Variants in ANAPC2 observed in about 807,000 individuals in gnomAD.
ANAPC2 encodes the protein anaphase-promoting complex subunit 2.
A neutral mutation model predicts 84.3 loss-of-function variants in ANAPC2; 29 were observed. The observed-to-expected ratio is 0.34, with a 90% CI of 0.26 to 0.47. ANAPC2 has a LOEUF of 0.47. Among genes scored for constraint, ANAPC2 ranks in the 20% least tolerant of loss-of-function variants. The pLI is 1.00. For synonymous variants in ANAPC2, 571 were observed against 479.4 expected (o/e 1.19, Z -2.50); for missense variants, 857 against 1,131.7 (o/e 0.76, Z 3.48).
chr9:137,183,404 G>T, intron 5 of ANAPC2, 162 bp from the exon 6 acceptor site: 1 of 769,666 alleles, frequency 1.3e-6, no homozygotes, highest in Non-Finnish European at 2.1e-6. Flanking sequence ...CTGTTCACAG[G>T]TCCCGCCCTG....
At chr9:137,180,597 A>T in intron 8 of ANAPC2, 70 bp from the exon 9 acceptor site, 1 of 1,600,114 alleles carries the variant, frequency 6.2e-7, no homozygotes, top group Non-Finnish European at 8.6e-7. Flanking sequence ...GTGGCAGGGC[A>T]CGGGGGTGCC....
chr9:137,183,274 A>G (rs756938378), intron 5 of ANAPC2, 32 bp from the exon 6 acceptor site: 2 of 1,572,372 alleles, frequency 1.3e-6, no homozygotes, highest in Non-Finnish European at 1.7e-6. Flanking sequence ...GCAGTCATGC[A>G]GTGCCCGGGA....
At position 137,180,540 on chromosome 9, in the gene ANAPC2, GTGTC is replaced by G. The variant is rs755964405; in HGVS notation, c.1611-17_1611-14del. ...GTTGCGGATCTCCCTGGAAAGACGAGTGTCTGGGCAGGGGGTCGTGATGAGCCCC... is the reference window on the plus strand; with the variant it reads ...GTTGCGGATCTCCCTGGAAAGACGAGTGGGCAGGGGGTCGTGATGAGCCCC... On this transcript the variant is annotated splice_polypyrimidine_tract_variant and intron_variant, in intron 8 of 12. Transcript: ENST00000323927. 67 of 1,612,788 alleles carry G rather than the reference GTGTC, an allele frequency of 4.2e-5. No individual in the cohort carries two copies. In the Middle Eastern group the frequency reaches 1.6e-3, roughly 40 times the overall value.
Position 137,181,738 on chromosome 9 carries a change from C to T in ANAPC2, c.1411G>A (p.Glu471Lys). 6.2e-7 allele frequency: 1 copy of T among 1,612,470 alleles called. No individual in the cohort carries two copies. Residue 471 changes from glutamate (E) to lysine (K), a missense_variant, in exon 7 of 13, where the codon GAG becomes AAG. Physicochemically the swap from Glu to Lys is moderately conservative, Grantham distance 56. This residue lies in a region of ANAPC2 where 425 missense variants were observed against 595.5 expected (regional missense o/e 0.71). Coordinates refer to ENST00000323927, the MANE Select transcript of ANAPC2 (RefSeq NM_013366.4). ...PASLETGQDS[E>K]DDSGEPEDWV... is the part of the protein sequence containing the mutation. Reference sequence around the variant, plus strand: ...TCCTCTGGCTCGCCTGAGTCATCCTCACTGTCCTGGCCTGTCTCCAGGCTC... The same window carrying T: ...TCCTCTGGCTCGCCTGAGTCATCCTTACTGTCCTGGCCTGTCTCCAGGCTC...
At chr9:137,179,968 C>T (rs1290037071) in intron 10 of ANAPC2, among the ~76,000 whole-genome samples, 1 of 152,246 alleles carries the variant, frequency 6.6e-6, no homozygotes, top group Non-Finnish European at 1.5e-5. Flanking sequence ...GCCGCGCGGA[C>T]GCTCGCTCAC....
At chr9:137,180,639 C>A in intron 8 of ANAPC2, 112 bp from the exon 9 acceptor site, 15 of 1,572,954 alleles carry the variant, frequency 9.5e-6, no homozygotes, top group Non-Finnish European at 1.3e-5. Context: ...TGTGTGGGCA[C>A]CCCAATGGCT....
chr9:137,180,383 T>C lies in ANAPC2; in HGVS notation c.1688A>G (p.Asp563Gly). The change falls in exon 10 of 13, where the codon GAC becomes GGC. Residue 563 changes from aspartate (D) to glycine (G), a missense_variant and splice_region_variant. By Grantham distance (94) the Asp-to-Gly change is moderately conservative. Coordinates refer to ENST00000323927, the MANE Select transcript of ANAPC2 (RefSeq NM_013366.4). ...ATTGATGCGGCGGGAGTCCGCCATG[T>C]CCTGAGGAGGAGCCGGTGTCACGGG... ...PMHFCEVMLK[D>G]MADSRRINAN... The C allele has an allele frequency of 6.2e-7, 1 of 1,612,524 alleles. No individual in the cohort carries two copies.
intron 5 of ANAPC2, 176 bp from the exon 6 acceptor site, chr9:137,183,418 G>C (rs546287027): frequency 3.1e-5 from 23 of 749,852 alleles, no homozygotes; most frequent in Non-Finnish European, 4.6e-5. Context: ...CGCCCTGCAG[G>C]GAGGTCTGTT....
chr9:137,181,051 G>A, intron 7 of ANAPC2, 122 bp from the exon 8 acceptor site: 1 of 1,347,700 alleles, frequency 7.4e-7, no homozygotes, highest in Non-Finnish European at 1.0e-6. Flanking sequence ...AGGCCCTCGA[G>A]GCTGGGAGCA....
At position 137,175,469 on chromosome 9, in the gene ANAPC2, C is replaced by T. The variant is rs893296599; in HGVS notation, c.2024G>A (p.Ser675Asn). The T allele has an allele frequency of 1.9e-6, 3 of 1,565,476 alleles. No homozygotes were observed. The highest frequency in any genetic ancestry group is 2.6e-6 in the Non-Finnish European group (3 of 1,156,516). Residue 675 changes from serine to asparagine, a missense_variant, in exon 12 of 13, where the codon AGC (serine) becomes AAC (asparagine). Physicochemically the swap from Ser to Asn is conservative, Grantham distance 46. This residue lies in a region of ANAPC2 where 425 missense variants were observed against 595.5 expected (regional missense o/e 0.71). Transcript: ENST00000323927. ...CTTGCTCAGTTCCTCCAGGGTCCAG[C>T]TGGCTGCGTGCAGAGTCACCGGGAC... ...VILLYFQDQASWTLEELSKAV... is the reference protein window; with the variant it reads ...VILLYFQDQANWTLEELSKAV...
intron 10 of ANAPC2, among the ~76,000 whole-genome samples, chr9:137,178,218 C>T (rs573713523): frequency 4.8e-5 from 4 of 82,690 alleles, no homozygotes; most frequent in African/African-American, 2.3e-4. Flanking sequence ...CCACAAACGC[C>T]GCCACTGGTC....
Position 137,175,830 on chromosome 9 carries a change from C to T in ANAPC2, c.1898G>A (p.Arg633Gln), listed in dbSNP as rs932428988. ...CAGGGTGTGCTTCCAACTGAGGGTC[C>T]GCATGGCCTAAGGAGGGCCAGGGTC... ...CKKYEQLKAM[R>Q]TLSWKHTLGL... Residue 633 changes from arginine (R) to glutamine (Q), a missense_variant, in exon 11 of 13, where the codon CGG becomes CAG. Physicochemically the swap from Arg to Gln is conservative, Grantham distance 43 (BLOSUM62 1). This residue lies in a region of ANAPC2 where 425 missense variants were observed against 595.5 expected (regional missense o/e 0.71). Coordinates refer to ENST00000323927, the MANE Select transcript of ANAPC2 (RefSeq NM_013366.4). The T allele has an allele frequency of 3.7e-6, 6 of 1,605,532 alleles. No individual in the cohort carries two copies. Among genetic ancestry groups the T allele is most frequent in the Admixed American group, 1.7e-5 (1 of 59,238 alleles).
rs747850425 is a variant in ANAPC2 at position 137,181,874 on chromosome 9, A to C, written c.1287-12T>G. ...TGTCCTCCCGCGTCCTGCCGATGTG[A>C]GTGCTGCTGTGGCCCACAGTGTGGA... On this transcript the variant is annotated splice_polypyrimidine_tract_variant and intron_variant, in intron 6 of 12. Coordinates refer to ENST00000323927, the MANE Select transcript of ANAPC2 (RefSeq NM_013366.4). 3 of 1,596,634 alleles carry C rather than the reference A, an allele frequency of 1.9e-6. No homozygotes were observed. The highest frequency in any genetic ancestry group is 2.6e-6 in the Non-Finnish European group (3 of 1,176,140).
chr9:137,180,159 G>T, intron 10 of ANAPC2, 22 bp downstream of exon 10: 1 of 1,609,386 alleles, frequency 6.2e-7, no homozygotes, highest in Non-Finnish European at 8.5e-7. Flanking sequence ...AGAGCCCATG[G>T]GGTGGCCTGG....
At chr9:137,182,012 G>A (rs72763283) in intron 6 of ANAPC2, 150 bp from the exon 7 acceptor site, 44,654 of 803,118 alleles carry the variant, frequency 0.056, 1,663 homozygotes, top group Non-Finnish European at 0.068. Context: ...ACACAGGCCC[G>A]TCAGACTCCT....
intron 4 of ANAPC2, 105 bp downstream of exon 4, chr9:137,184,808 G>C: frequency 6.3e-6 from 9 of 1,426,408 alleles, no homozygotes; most frequent in Non-Finnish European, 3.8e-6. Context: ...AGCAGACACG[G>C]TGAAGGCACA....
chr9:137,185,167 G>C, intron 3 of ANAPC2, 80 bp from the exon 4 acceptor site: 2 of 1,382,180 alleles, frequency 1.4e-6, no homozygotes, highest in Non-Finnish European at 9.5e-7. Flanking sequence ...GGAGCCTCAC[G>C]GCCACCCACC....
rs182158746 is a variant in ANAPC2, at chr9:137,182,717, T to G, written c.1286+408A>C. Among the ~76,000 whole-genome samples, 6 of 151,936 alleles carry G rather than the reference T, an allele frequency of 3.9e-5. No individual in the cohort carries two copies. The East Asian group carries it at 1.2e-3, about 29-fold the overall frequency. ...TGTCAAGGTCCTCATCCCAACACAT[T>G]CTCCACCGAACAGCCCCAGGAGTGT... On this transcript the variant is annotated intron_variant, in intron 6 of 12. Coordinates refer to ENST00000323927, the MANE Select transcript of ANAPC2 (RefSeq NM_013366.4).
At chr9:137,180,745 GC>G (rs1370799487) in intron 8 of ANAPC2, 42 bp downstream of exon 8, 19 of 1,596,238 alleles carry the variant, frequency 1.2e-5, no homozygotes, top group Non-Finnish European at 1.6e-5. Context: ...CTGGGCAAAG[GC>G]CCCGGCACCC....
Sources: allele counts gnomAD v4.1 joint callset (sites outside exome capture counted in the v4.1 genomes callset), GRCh38; gene constraint gnomAD v4.1.1; regional missense constraint gnomAD v4.1.1; transcripts MANE v1.5; gene names NCBI Gene and HGNC (gene_info 2026-07-23, HGNC 2026-07-21).